ANKRD26: variants seen among roughly 807,000 people sequenced by gnomAD.
ANKRD26 encodes the protein ankyrin repeat domain 26, also known as ankyrin repeat domain-containing protein 26.
Under a neutral mutation model 208.7 loss-of-function variants are expected in ANKRD26, and 141 were observed. The observed-to-expected ratio is 0.68, with a 90% CI of 0.59 to 0.78. The LOEUF (loss-of-function observed/expected upper bound fraction) is 0.78, where lower values mean the gene tolerates loss of function less well. Among genes scored for constraint, ANKRD26 ranks in the 30% least tolerant of loss-of-function variants. The probability of loss-of-function intolerance (pLI) is 0.00; values close to 1 mark genes in which losing one functional copy is unlikely to be tolerated. For synonymous variants in ANKRD26, 636 were observed against 660.4 expected (o/e 0.96, Z 0.57); for missense variants, 1,889 against 1,938.7 (o/e 0.97, Z 0.48).
At chr10:27,007,789 T>C (rs1323612620) in intron 32 of ANKRD26, among the ~76,000 whole-genome samples, 1 of 152,186 alleles carries the variant, frequency 6.6e-6, no homozygotes, top group Admixed American at 6.5e-5. Flanking sequence ...TATAATGTCA[T>C]GTGAAAATTC....
the ANKRD26 span, among the ~76,000 whole-genome samples, chr10:26,958,995 T>A: frequency 6.6e-6 from 1 of 152,136 alleles, no homozygotes. Context: ...GGCATTCTGA[T>A]TGGCATGAGA....
the ANKRD26 span, among the ~76,000 whole-genome samples, chr10:26,958,436 C>G: frequency 6.6e-6 from 1 of 152,090 alleles, no homozygotes; most frequent in Non-Finnish European, 1.5e-5. Context: ...CTTGCTGATG[C>G]TCTCCCTCCC....
chr10:27,085,397 CCA>C (rs2056080915), intron 5 of ANKRD26, among the ~76,000 whole-genome samples: 1 of 152,088 alleles, frequency 6.6e-6, no homozygotes, highest in Non-Finnish European at 1.5e-5. Context: ...CCGCACCTGG[CCA>C]GAAGAACACA....
At chr10:26,994,465 A>G (rs1010927562) in intron 5 of ANKRD26, among the ~76,000 whole-genome samples, 1 of 152,196 alleles carries the variant, frequency 6.6e-6, no homozygotes, top group Non-Finnish European at 1.5e-5. Flanking sequence ...GGTTCACATC[A>G]TATTTCAGTT....
rs1213717924 is a variant in ANKRD26, at chr10:27,067,017, G to A, written c.1207+140C>T. ...AGATGGGGTTTCATCATGTTGGCTAGGCTGGTCTCGAACTCCTGACCTCAG... is the reference window on the plus strand; with the variant it reads ...AGATGGGGTTTCATCATGTTGGCTAAGCTGGTCTCGAACTCCTGACCTCAG... On this transcript the variant is annotated intron_variant, in intron 10 of 33. Transcript: ENST00000376087. 1.4e-5 allele frequency: 12 copies of A among 846,302 alleles called. No homozygotes were observed. In the East Asian group the frequency reaches 3.2e-4, roughly 23 times the overall value. The allele number at this position is 846,302 out of a possible 1,614,324, so 52.4% of individuals were successfully genotyped here. A position where few individuals can be genotyped will look rare whatever the true frequency, so the allele number is the denominator to read the frequency against.
At position 27,100,414 on chromosome 10, in the gene ANKRD26, C is replaced by G; in HGVS notation, c.-88G>C. On this transcript the variant is annotated 5_prime_UTR_variant, in exon 1 of 34. Coordinates refer to ENST00000376087, the MANE Select transcript of ANKRD26 (RefSeq NM_014915.3). ...GCCCAACATAACAAGTCAGCCCCGG[C>G]TGGCCGCAGCCTCCCAAAGGAAACT... is the stretch of plus-strand genomic sequence containing the variant. 1.3e-6 allele frequency: 2 copies of G among 1,560,182 alleles called. No homozygotes were observed. The highest frequency in any genetic ancestry group is 1.9e-5 in the Admixed American group (1 of 52,390).
intron 20 of ANKRD26, among the ~76,000 whole-genome samples, chr10:27,040,695 T>C (rs1426730028): frequency 2.6e-5 from 4 of 151,224 alleles, no homozygotes; most frequent in South Asian, 2.1e-4. Flanking sequence ...TTCAAGAGAG[T>C]GGACTCAGGC....
At chr10:27,042,798 C>CAAAAAAAAAAAA (rs60850386) in intron 20 of ANKRD26, among the ~76,000 whole-genome samples, 25 of 48,946 alleles carry the variant, frequency 5.1e-4, no homozygotes, top group East Asian at 1.9e-3. Flanking sequence ...CAAAAAAATA[C>CAAAAAAAAAAAA]AAAAAAAAAA....
At chr10:26,969,811 G>GTTTTTTTTTTTTTTTTTT (rs34596945), downstream of ANKRD26, among the ~76,000 whole-genome samples, 1 of 136,354 alleles carries the variant, frequency 7.3e-6, no homozygotes, top group Non-Finnish European at 1.6e-5. Flanking sequence ...TTTACTTTCT[G>GTTTTTTTTTTTTTTTTTT]TTTTTTTTTT....
At chr10:27,096,580 G>A (rs1322592915) in intron 1 of ANKRD26, among the ~76,000 whole-genome samples, 10 of 149,460 alleles carry the variant, frequency 6.7e-5, no homozygotes, top group South Asian at 2.1e-4. Flanking sequence ...CTTGGCCAAC[G>A]TGGTGAAACC....
chr10:27,012,792 A>G (rs2053160284), intron 32 of ANKRD26, 90 bp downstream of exon 32: 1 of 1,310,358 alleles, frequency 7.6e-7, no homozygotes, highest in Admixed American at 1.8e-5. Flanking sequence ...AGCCTGGACA[A>G]CAGAGTAAAA....
intron 3 of ANKRD26, among the ~76,000 whole-genome samples, chr10:27,092,863 A>C (rs985187726): frequency 6.6e-5 from 10 of 152,168 alleles, no homozygotes; most frequent in African/African-American, 2.4e-4. Context: ...CGGGTGGATC[A>C]CCTGAGGTCA....
chr10:27,006,787 G>C (rs2052900502), intron 33 of ANKRD26, 130 bp downstream of exon 33: 1 of 728,720 alleles, frequency 1.4e-6, no homozygotes, highest in African/African-American at 1.7e-5. Flanking sequence ...CATTAGATGT[G>C]TGTAAGAAAG....
At chr10:26,951,019 CTTTTTTTTT>C in the ANKRD26 span, among the ~76,000 whole-genome samples, 4 of 48,582 alleles carry the variant, frequency 8.2e-5, no homozygotes, top group African/African-American at 1.1e-4. Flanking sequence ...TTTTCTTTTT[CTTTTTTTTT>C]TTTTTTTTTG....
rs950135094 is a variant in ANKRD26 at position 27,100,218 on chromosome 10, G to T, written c.109C>A (p.Gln37Lys). 4.3e-6 allele frequency: 7 copies of T among 1,612,990 alleles called. No individual in the cohort carries two copies. The African/African-American group carries it at 6.7e-5, about 15-fold the overall frequency. ...CGGTCTCGGACGTGGTAGCCGGGCT[G>T]CGAGTAGGCGCCCTCCCCCGGCTCG... ...GGEPGEGAYS[Q>K]PGYHVRDRDL... The change falls in exon 1 of 34, where the codon CAG becomes AAG. Residue 37 changes from glutamine to lysine, a missense_variant. Gln to Lys is a moderately conservative substitution (Grantham distance 53). Around this residue, in one of 3 missense-constraint regions of ANKRD26, gnomAD observed 1,272 missense variants for 1,273.8 expected, o/e 1.00. Coordinates refer to ENST00000376087, the MANE Select transcript of ANKRD26 (RefSeq NM_014915.3).
intron 3 of ANKRD26, among the ~76,000 whole-genome samples, chr10:26,986,360 T>C (rs1341037736): frequency 6.6e-6 from 1 of 152,130 alleles, no homozygotes; most frequent in Non-Finnish European, 1.5e-5. Flanking sequence ...ATTCAGGACA[T>C]AGGCATGGGC....
chr10:27,051,000 G>A (rs2054635003), intron 16 of ANKRD26: 1 of 1,153,306 alleles, frequency 8.7e-7, no homozygotes, highest in Non-Finnish European at 1.1e-6. Context: ...CAGAAAATCA[G>A]AATGGATCAA....
intron 5 of ANKRD26, among the ~76,000 whole-genome samples, chr10:26,978,237 C>A (rs1273599620): frequency 6.6e-6 from 1 of 151,564 alleles, no homozygotes; most frequent in Non-Finnish European, 1.5e-5. Context: ...GATCACCTGA[C>A]GTCAGGAGTG....
chr10:27,082,076 G>GAAAAAAAAAAAA (rs1564424246), intron 6 of ANKRD26, among the ~76,000 whole-genome samples: 1 of 38,376 alleles, frequency 2.6e-5, no homozygotes, highest in African/African-American at 7.5e-5. Flanking sequence ...AAAAAAAAAG[G>GAAAAAAAAAAAA]GAGAGAGAGA....
Sources: gnomAD v4.1 joint callset for allele counts (sites outside exome capture counted in the v4.1 genomes callset) on GRCh38, gnomAD v4.1.1 for gene constraint, gnomAD v4.1.1 regional missense constraint, MANE v1.5 for transcripts, NCBI Gene and HGNC (gene_info 2026-07-23, HGNC 2026-07-21) for gene names.